The following PCLO variants were observed in gnomAD, a reference collection of about 807,000 sequenced individuals.
PCLO encodes the protein piccolo presynaptic cytomatrix protein.
A neutral mutation model predicts 427.5 loss-of-function variants in PCLO; 82 were observed. The ratio of observed to expected loss-of-function variants is 0.19; its 90% CI spans 0.16 to 0.23. The LOEUF is 0.23. Ranked by LOEUF, PCLO falls within the 10% of genes least tolerant of loss-of-function variation. The pLI is 1.00. For missense variants in PCLO, 6,239 were observed against 6,115.9 expected (o/e 1.02, Z -0.67); for synonymous variants, 2,357 against 2,155.4 (o/e 1.09, Z -2.59).
intron 3 of PCLO, among the ~76,000 whole-genome samples, chr7:83,127,735 G>A (rs543573864): frequency 6.6e-6 from 1 of 152,078 alleles, no homozygotes; most frequent in Non-Finnish European, 1.5e-5. Context: ...ACAGACTCAA[G>A]AGTTCTGAAA....
At chr7:83,059,309 T>A (rs926882097) in intron 3 of PCLO, among the ~76,000 whole-genome samples, 13 of 138,690 alleles carry the variant, frequency 9.4e-5, no homozygotes, top group African/African-American at 2.9e-4. Flanking sequence ...ATATATATAT[T>A]ATATTTATAT....
intron 22 of PCLO, among the ~76,000 whole-genome samples, chr7:82,764,542 T>C (rs971939657): frequency 4.1e-4 from 63 of 151,910 alleles, no homozygotes; most frequent in African/African-American, 1.4e-3. Context: ...CTATACTATG[T>C]ACAAGAAATA....
intron 8 of PCLO, among the ~76,000 whole-genome samples, chr7:82,904,719 C>G (rs996173730): frequency 1.3e-5 from 2 of 151,980 alleles, no homozygotes; most frequent in South Asian, 2.1e-4. Flanking sequence ...GAAGAGTCAT[C>G]ATCAGGCTTC....
Position 82,955,517 on chromosome 7 carries a change from A to T in PCLO, c.5436T>A (p.Asp1812Glu). The T allele has an allele frequency of 1.2e-6, 2 of 1,613,782 alleles. No individual in the cohort carries two copies. ...SSSKKSKKDK[D>E]ELRAQRRRER... ...CCCTTCTTCTCTGAGCTCGAAGTTC[A>T]TCTTTGTCTTTCTTTGATTTTTTAC... The change falls in exon 5 of 25, where the codon GAT becomes GAA. Residue 1812 changes from aspartate (D) to glutamate (E), a missense_variant. Asp to Glu is a conservative substitution (Grantham distance 45). Coordinates refer to ENST00000333891, the MANE Select transcript of PCLO (RefSeq NM_033026.6).
At chr7:82,762,318 C>A (rs1170202232) in intron 22 of PCLO, among the ~76,000 whole-genome samples, 1 of 151,912 alleles carries the variant, frequency 6.6e-6, no homozygotes, top group Non-Finnish European at 1.5e-5. Flanking sequence ...AAGGACATTC[C>A]AGAGAGAAGG....
chr7:83,093,845 GTT>G (rs55892870), intron 3 of PCLO, among the ~76,000 whole-genome samples: 58,895 of 135,394 alleles, frequency 0.43, 12,892 homozygotes, highest in East Asian at 0.69. Context: ...TTACTGATTT[GTT>G]TTTTTTTTTT....
chr7:83,135,703 C>T, intron 2 of PCLO, 47 bp from the exon 3 acceptor site: 1 of 1,276,718 alleles, frequency 7.8e-7, no homozygotes, highest in African/African-American at 1.5e-5. Context: ...ACTGTAAAAA[C>T]ACAAAAATGT....
At chr7:82,914,665 G>T in intron 7 of PCLO, 21 bp downstream of exon 7, 1 of 1,609,802 alleles carries the variant, frequency 6.2e-7, no homozygotes. Flanking sequence ...GAGTAACAGG[G>T]TAGTTTGAGG....
At chr7:83,118,139 C>T (rs966372990) in intron 3 of PCLO, among the ~76,000 whole-genome samples, 2 of 151,884 alleles carry the variant, frequency 1.3e-5, no homozygotes, top group African/African-American at 2.4e-5. Context: ...CCTTTCAGCT[C>T]GCACTATAAC....
intron 1 of PCLO, among the ~76,000 whole-genome samples, chr7:83,159,020 C>T (rs1792370688): frequency 6.6e-6 from 1 of 151,998 alleles, no homozygotes; most frequent in Non-Finnish European, 1.5e-5. Flanking sequence ...GTATACTAGA[C>T]TGTGAACTCC....
chr7:82,825,921 T>C (rs946438759), intron 18 of PCLO, among the ~76,000 whole-genome samples: 10 of 148,838 alleles, frequency 6.7e-5, no homozygotes, highest in African/African-American at 2.2e-4. Context: ...ACAATATGTG[T>C]ATATATTATG....
chr7:82,764,604 G>A (rs984898501), intron 22 of PCLO, among the ~76,000 whole-genome samples: 1 of 151,866 alleles, frequency 6.6e-6, no homozygotes, highest in African/African-American at 2.4e-5. Flanking sequence ...ATATTGGCAA[G>A]TATGTCAGGC....
chr7:82,805,786 G>A lies in PCLO; in HGVS notation c.14835C>T (p.Thr4945=), dbSNP rs370810402. The change falls in exon 21 of 25, where the codon ACC becomes ACT. Residue 4945 remains threonine, a synonymous_variant. Transcript: ENST00000333891. ...NHRPAESSVS[T]GSSGSSFGSG... is the part of the protein sequence containing the mutation. Reference sequence around the variant, plus strand: ...TGCCAAAGCTGCTGCCCGAGGAGCCGGTGGACACAGAGCTTTCTGCAGGCC... The same window carrying A: ...TGCCAAAGCTGCTGCCCGAGGAGCCAGTGGACACAGAGCTTTCTGCAGGCC... 98 of 1,608,252 alleles carry A rather than the reference G, an allele frequency of 6.1e-5. No individual in the cohort carries two copies. In the African/African-American group the frequency reaches 7.7e-4, roughly 13 times the overall value.
intron 3 of PCLO, among the ~76,000 whole-genome samples, chr7:83,133,761 A>G (rs1791634276): frequency 3.9e-5 from 6 of 152,062 alleles, no homozygotes. Context: ...TGTTCTTAAC[A>G]TAGTAGATTT....
intron 22 of PCLO, among the ~76,000 whole-genome samples, chr7:82,769,878 A>G (rs1334182733): frequency 7.2e-5 from 11 of 152,110 alleles, no homozygotes; most frequent in African/African-American, 2.7e-4. Flanking sequence ...CCAAATCGAT[A>G]AAAACTCTAA....
intron 22 of PCLO, among the ~76,000 whole-genome samples, chr7:82,789,852 G>A (rs1000597253): frequency 3.3e-5 from 5 of 151,980 alleles, no homozygotes; most frequent in African/African-American, 4.8e-5. Flanking sequence ...CATCATGTTC[G>A]AACAGTTTCC....
rs371195338 is a variant in PCLO at position 82,880,774 on chromosome 7, A to C, written c.13529-1312T>G. Among the ~76,000 whole-genome samples the C allele has an allele frequency of 2.4e-4, 36 of 152,328 alleles. No homozygotes were observed. In the East Asian group the frequency reaches 4.0e-3, roughly 17 times the overall value. ...TGTTTTAATGAAAGCAATGCATGTT[A>C]ATTATTTTAAACCTAATGTGACTAT... On this transcript the variant is annotated intron_variant, in intron 9 of 24. Transcript: ENST00000333891.
chr7:83,089,032 T>C (rs1049077597), intron 3 of PCLO, among the ~76,000 whole-genome samples: 3 of 152,136 alleles, frequency 2.0e-5, no homozygotes, highest in Non-Finnish European at 2.9e-5. Flanking sequence ...CTTGGAGACA[T>C]AGTATGTGAG....
intron 20 of PCLO, among the ~76,000 whole-genome samples, chr7:82,810,889 T>G (rs1174939716): frequency 6.6e-6 from 1 of 151,716 alleles, no homozygotes; most frequent in Non-Finnish European, 1.5e-5. Flanking sequence ...AATTGTAGAC[T>G]TCACTTTTAC....
Sources: allele counts gnomAD v4.1 joint callset (sites outside exome capture counted in the v4.1 genomes callset), GRCh38; gene constraint gnomAD v4.1.1; transcripts MANE v1.5; gene names NCBI Gene and HGNC (gene_info 2026-07-23, HGNC 2026-07-21).